Variants in ACAT1 observed in about 807,000 individuals in gnomAD.
ACAT1 encodes the protein acetyl-CoA acetyltransferase 1.
Under a neutral mutation model 47.3 loss-of-function variants are expected in ACAT1, and 28 were observed. The observed-to-expected ratio is 0.59, with a 90% confidence interval of 0.44 to 0.81. ACAT1 has a LOEUF of 0.81. Among genes scored for constraint, ACAT1 ranks in the 30% least tolerant of loss-of-function variants. The pLI, the probability that ACAT1 is intolerant of heterozygous loss-of-function variation, is 0.00. For missense variants in ACAT1, 469 were observed against 524.3 expected (o/e 0.89, Z 1.03); for synonymous variants, 181 against 173.6 (o/e 1.04, Z -0.34).
At position 108,135,329 on chromosome 11, in the gene ACAT1, A is replaced by T. The variant is rs2077448915; in HGVS notation, c.435+87A>T. 19 of 945,268 alleles carry T rather than the reference A, an allele frequency of 2.0e-5. No homozygotes were observed. In the South Asian group the frequency reaches 2.6e-4, roughly 13 times the overall value. The allele number at this position is 945,268 out of a possible 1,614,324, so 58.6% of individuals were successfully genotyped here. A position where few individuals can be genotyped will look rare whatever the true frequency, so the allele number is the denominator to read the frequency against. On this transcript the variant is annotated intron_variant, in intron 5 of 11. Coordinates refer to ENST00000265838, the MANE Select transcript of ACAT1 (RefSeq NM_000019.4). ...AAATCTAGGCATATTCATATTTTAG[A>T]AATGAGATTCTTTCTCATAAGTTAG...
In ACAT1 at chr11:108,147,262, A is replaced by T; in HGVS notation, c.1164-8A>T. On this transcript the variant is annotated splice_polypyrimidine_tract_variant and splice_region_variant and intron_variant, in intron 11 of 11. Transcript: ENST00000265838. ...TCATTAAAGAAGTAAATGCTTTCTT[A>T]ATTTTAGGATGTCTGGAGCCAGGAT... 1 of 1,613,674 alleles carries T rather than the reference A, an allele frequency of 6.2e-7. No homozygotes were observed. The highest frequency in any genetic ancestry group is 1.1e-5 in the South Asian group (1 of 91,066).
intron 1 of ACAT1, chr11:108,121,886 C>T (rs1378213603): frequency 1.7e-6 from 1 of 602,152 alleles, no homozygotes; most frequent in East Asian, 2.8e-5. Context: ...CGCGTTTCTA[C>T]TTCCAAGGTC....
At chr11:108,143,424 C>T (rs1369019884) in intron 9 of ACAT1, 4 of 152,106 alleles carry the variant, frequency 2.6e-5, no homozygotes, top group Admixed American at 6.6e-5. Context: ...ACAAAATTTA[C>T]ATGTGTGGTG....
intron 10 of ACAT1, among the ~76,000 whole-genome samples, chr11:108,145,207 A>G (rs1271139147): frequency 6.6e-6 from 1 of 152,218 alleles, no homozygotes; most frequent in Non-Finnish European, 1.5e-5. Context: ...AACTACCAAA[A>G]CAAAACAGAT....
rs199524907 is a variant in ACAT1, at chr11:108,138,935, A to G, written c.473A>G (p.Asn158Ser). 5.8e-5 allele frequency: 93 copies of G among 1,613,970 alleles called. No homozygotes were observed. The Admixed American group carries it at 1.3e-3, about 23-fold the overall frequency. ...GCAGGTGGGATGGAGAGCATGTCCA[A>G]TGTTCCATATGTAATGAACAGAGGA... The part of the protein sequence containing the change: ...MVAGGMESMS[N>S]VPYVMNRGST... The change falls in exon 6 of 12, where the codon AAT (asparagine) becomes AGT (serine). Residue 158 changes from asparagine (N) to serine (S), a missense_variant. By Grantham distance (46) the Asn-to-Ser change is conservative (BLOSUM62 1). Coordinates refer to ENST00000265838, the MANE Select transcript of ACAT1 (RefSeq NM_000019.4).
chr11:108,145,575 A>G (rs1040250916), intron 10 of ACAT1, among the ~76,000 whole-genome samples: 1 of 152,138 alleles, frequency 6.6e-6, no homozygotes, highest in Non-Finnish European at 1.5e-5. Context: ...GAACCAAGCA[A>G]CACACAATCA....
At chr11:108,119,982 T>TAATCCC (rs2077121071), upstream of ACAT1, among the ~76,000 whole-genome samples, 2 of 151,904 alleles carry the variant, frequency 1.3e-5, no homozygotes, top group African/African-American at 4.8e-5. Flanking sequence ...TTGGGAGGCC[T>TAATCCC]AGTGGGGGCG....
At chr11:108,122,063 T>C (rs747670553) in intron 1 of ACAT1, 3 of 314,710 alleles carry the variant, frequency 9.5e-6, no homozygotes, top group Non-Finnish European at 1.8e-5. Context: ...AAAACATATT[T>C]GTGTGCGTTA....
rs184757474 is a variant in ACAT1 at position 108,137,745 on chromosome 11, C to T, written c.436-1153C>T. 2.7e-3 allele frequency among the ~76,000 whole-genome samples: 406 copies of T among 151,784 alleles called. 2 individuals are homozygous for T. Among genetic ancestry groups the T allele is most frequent in the African/African-American group, 9.5e-3 (394 of 41,408 alleles). ...TCGCTTGAGTCTGGGAGTTTGAGACCGGCCTGGGTGATATAGTGAAACCCC... is the reference window on the plus strand; with the variant it reads ...TCGCTTGAGTCTGGGAGTTTGAGACTGGCCTGGGTGATATAGTGAAACCCC... On this transcript the variant is annotated intron_variant, in intron 5 of 11. Coordinates refer to ENST00000265838, the MANE Select transcript of ACAT1 (RefSeq NM_000019.4).
intron 1 of ACAT1, among the ~76,000 whole-genome samples, chr11:108,122,470 C>CACAA (rs1280060319): frequency 6.6e-6 from 1 of 152,178 alleles, no homozygotes; most frequent in Non-Finnish European, 1.5e-5. Flanking sequence ...GCTTGGAGAT[C>CACAA]CAGTTATGTT....
intron 1 of ACAT1, chr11:108,127,924 C>A (rs752534931): frequency 1.3e-5 from 2 of 152,374 alleles, no homozygotes; most frequent in African/African-American, 4.8e-5. Context: ...AATCCCAGCA[C>A]TTTGGAAGGC....
At chr11:108,134,025 C>T in intron 3 of ACAT1, 88 bp downstream of exon 3, 3 of 1,302,240 alleles carry the variant, frequency 2.3e-6, no homozygotes, top group Non-Finnish European at 3.3e-6. Flanking sequence ...GTATGTAACA[C>T]TTAGAAATAA....
chr11:108,141,809 T>A, intron 8 of ACAT1, 109 bp downstream of exon 8: 1 of 757,010 alleles, frequency 1.3e-6, no homozygotes, highest in South Asian at 1.5e-5. Context: ...CTAGATGTTA[T>A]TTAACATTTT....
At chr11:108,147,245 GAAGT>G (rs1365755376) in intron 11 of ACAT1, 21 bp from the exon 12 acceptor site, 1 of 1,612,550 alleles carries the variant, frequency 6.2e-7, no homozygotes, top group African/African-American at 1.3e-5. Flanking sequence ...CTTCATTAAA[GAAGT>G]AAATGCTTTC....
chr11:108,137,732 G>A (rs1355038838), intron 5 of ACAT1, among the ~76,000 whole-genome samples: 1 of 151,910 alleles, frequency 6.6e-6, no homozygotes, highest in Non-Finnish European at 1.5e-5. Flanking sequence ...GCTTGAGTCT[G>A]GGAGTTTGAG....
At chr11:108,136,647 G>A (rs1457433309) in intron 5 of ACAT1, 3 of 152,286 alleles carry the variant, frequency 2.0e-5, no homozygotes, top group African/African-American at 7.2e-5. Context: ...ATTCTTGGAA[G>A]TGCTTTGTTT....
chr11:108,143,419 A>T (rs1419249524), intron 9 of ACAT1: 1 of 152,232 alleles, frequency 6.6e-6, no homozygotes, highest in East Asian at 1.9e-4. Flanking sequence ...GAAATACAAA[A>T]TTTACATGTG....
intron 1 of ACAT1, among the ~76,000 whole-genome samples, chr11:108,129,568 C>T (rs1047965295): frequency 2.0e-5 from 3 of 152,072 alleles, no homozygotes; most frequent in African/African-American, 7.2e-5. Flanking sequence ...GGGGTTTCAC[C>T]ATGTTGGCCA....
Position 108,134,208 on chromosome 11 carries a change from T to G in ACAT1, c.239-13T>G. The G allele has an allele frequency of 6.2e-7, 1 of 1,607,378 alleles. No homozygotes were observed. ...ATTAAATGCCTTTTTGACTTTTTTT[T>G]TTTTTAATAAAGGGATTCCAAAAGA... On this transcript the variant is annotated splice_polypyrimidine_tract_variant and intron_variant, in intron 3 of 11. Coordinates refer to ENST00000265838, the MANE Select transcript of ACAT1 (RefSeq NM_000019.4).
Sources: gnomAD v4.1 joint callset for allele counts (sites outside exome capture counted in the v4.1 genomes callset) on GRCh38, gnomAD v4.1.1 for gene constraint, MANE v1.5 for transcripts, NCBI Gene and HGNC (gene_info 2026-07-23, HGNC 2026-07-21) for gene names.